NKAIN2: variants seen among roughly 807,000 people sequenced by gnomAD.
The protein encoded by NKAIN2 is sodium/potassium transporting ATPase interacting 2.
In NKAIN2, 14 loss-of-function variants were observed where a neutral mutation model predicts 32.6. The observed-to-expected ratio is 0.43, with a 90% CI of 0.28 to 0.67. The LOEUF is 0.67. Among genes scored for constraint, NKAIN2 ranks in the 30% least tolerant of loss-of-function variants. The pLI, the probability that NKAIN2 is intolerant of heterozygous loss-of-function variation, is 0.17. For missense variants in NKAIN2, 198 were observed against 258.3 expected (o/e 0.77, Z 1.60); for synonymous variants, 80 against 87.2 (o/e 0.92, Z 0.46).
At chr6:124,622,674 A>G (rs1783152008) in intron 3 of NKAIN2, among the ~76,000 whole-genome samples, 1 of 152,182 alleles carries the variant, frequency 6.6e-6, no homozygotes, top group Admixed American at 6.5e-5. Flanking sequence ...GGTGGCTCTC[A>G]GCAGGGTGGA....
intron 4 of NKAIN2, among the ~76,000 whole-genome samples, chr6:124,706,389 C>T (rs1052125385): frequency 6.6e-6 from 1 of 151,994 alleles, no homozygotes; most frequent in Non-Finnish European, 1.5e-5. Flanking sequence ...GATTAAAGGG[C>T]TCTTCATTGC....
intron 4 of NKAIN2, among the ~76,000 whole-genome samples, chr6:124,677,278 G>A (rs770034660): frequency 1.3e-5 from 2 of 152,018 alleles, no homozygotes; most frequent in African/African-American, 4.8e-5. Context: ...CAGATCTTGT[G>A]TTTTTATTCA....
chr6:123,912,087 T>G, intron 1 of NKAIN2, among the ~76,000 whole-genome samples: 1 of 151,688 alleles, frequency 6.6e-6, no homozygotes, highest in South Asian at 2.1e-4. Context: ...GGTAGATACT[T>G]GTCTTGCTTA....
intron 1 of NKAIN2, among the ~76,000 whole-genome samples, chr6:124,245,885 A>G (rs1224527199): frequency 1.3e-5 from 2 of 152,144 alleles, no homozygotes; most frequent in Admixed American, 6.6e-5. Context: ...CATGATACGC[A>G]TAAGTTGCTT....
At chr6:124,588,228 T>A (rs1479443363) in intron 3 of NKAIN2, among the ~76,000 whole-genome samples, 1 of 152,216 alleles carries the variant, frequency 6.6e-6, no homozygotes, top group Admixed American at 6.5e-5. Context: ...TTACTTCTGA[T>A]TGATATGACG....
intron 1 of NKAIN2, among the ~76,000 whole-genome samples, chr6:123,926,133 A>G (rs1775993364): frequency 6.6e-6 from 1 of 152,174 alleles, no homozygotes; most frequent in African/African-American, 2.4e-5. Context: ...CAACAGCCTA[A>G]TATCATTACA....
chr6:124,690,926 G>A (rs1774226671), intron 4 of NKAIN2, among the ~76,000 whole-genome samples: 1 of 152,052 alleles, frequency 6.6e-6, no homozygotes. Context: ...AAATATTTAG[G>A]ATCTGTTATC....
At chr6:124,596,663 G>GTGT (rs1782099434) in intron 3 of NKAIN2, among the ~76,000 whole-genome samples, 3 of 142,516 alleles carry the variant, frequency 2.1e-5, no homozygotes, top group African/African-American at 7.8e-5. Flanking sequence ...TAAACCATAG[G>GTGT]GTGTGTGTGT....
intron 3 of NKAIN2, among the ~76,000 whole-genome samples, chr6:124,541,472 T>A (rs2114845361): frequency 6.6e-6 from 1 of 152,294 alleles, no homozygotes. Context: ...TCAGTTAATA[T>A]AACCTATAAT....
chr6:124,157,652 G>T (rs1022151212), intron 1 of NKAIN2, among the ~76,000 whole-genome samples: 1 of 152,034 alleles, frequency 6.6e-6, no homozygotes, highest in Admixed American at 6.6e-5. Flanking sequence ...GATCATGTAC[G>T]TATGCTTTTT....
intron 1 of NKAIN2, among the ~76,000 whole-genome samples, chr6:123,982,934 C>T (rs1778963578): frequency 6.6e-6 from 1 of 152,094 alleles, no homozygotes; most frequent in Admixed American, 6.6e-5. Context: ...CCCCTTCTCT[C>T]TCCATTCCCT....
chr6:124,115,973 A>G (rs1321190105), intron 1 of NKAIN2, among the ~76,000 whole-genome samples: 2 of 151,986 alleles, frequency 1.3e-5, no homozygotes, highest in African/African-American at 2.4e-5. Context: ...TTGAAAACAC[A>G]TACTTTTTAC....
At chr6:124,205,743 A>C (rs547478360) in intron 1 of NKAIN2, among the ~76,000 whole-genome samples, 2 of 151,928 alleles carry the variant, frequency 1.3e-5, no homozygotes, top group African/African-American at 4.8e-5. Context: ...TAAAGAAGGA[A>C]AGTCATTAGG....
At chr6:123,925,097 C>T (rs1395090271) in intron 1 of NKAIN2, among the ~76,000 whole-genome samples, 1 of 151,898 alleles carries the variant, frequency 6.6e-6, no homozygotes, top group Non-Finnish European at 1.5e-5. Flanking sequence ...AATTACTTGT[C>T]CAAGTGGCCA....
At chr6:124,127,962 G>A (rs1786266748) in intron 1 of NKAIN2, among the ~76,000 whole-genome samples, 1 of 152,152 alleles carries the variant, frequency 6.6e-6, no homozygotes, top group Non-Finnish European at 1.5e-5. Flanking sequence ...AAGTAGCTGG[G>A]ATTATAGGCA....
chr6:124,496,042 T>C (rs1778051479), intron 3 of NKAIN2, among the ~76,000 whole-genome samples: 1 of 152,132 alleles, frequency 6.6e-6, no homozygotes, highest in Non-Finnish European at 1.5e-5. Flanking sequence ...TGAAAAAAAC[T>C]GTTCTTTTTG....
rs1783283268 is a variant in NKAIN2, at chr6:124,625,467, A to AG, written c.274-32718dup. Among the ~76,000 whole-genome samples, 3 of 152,158 alleles carry AG rather than the reference A, an allele frequency of 2.0e-5. No homozygotes were observed. In the South Asian group the frequency reaches 6.2e-4, roughly 31 times the overall value. On this transcript the variant is annotated intron_variant, in intron 3 of 6. Coordinates refer to ENST00000368417, the MANE Select transcript of NKAIN2 (RefSeq NM_001040214.3). Reference sequence around the variant, plus strand: ...TTATGATTCAAAGGTGGGAAATCATAGTCCTTTGTTTCATTTTTATCTGGG... The same window carrying AG: ...TTATGATTCAAAGGTGGGAAATCATAGGTCCTTTGTTTCATTTTTATCTGGG...
At chr6:124,175,493 G>A (rs982336814) in intron 1 of NKAIN2, among the ~76,000 whole-genome samples, 1 of 152,146 alleles carries the variant, frequency 6.6e-6, no homozygotes, top group African/African-American at 2.4e-5. Context: ...TATGATGTGA[G>A]TTTCACATAA....
intron 3 of NKAIN2, among the ~76,000 whole-genome samples, chr6:124,427,142 G>A (rs1775017584): frequency 6.6e-6 from 1 of 152,060 alleles, no homozygotes; most frequent in African/African-American, 2.4e-5. Context: ...ACATATCTTG[G>A]ATGTTCTACT....
Sources: allele counts gnomAD v4.1 joint callset (sites outside exome capture counted in the v4.1 genomes callset), GRCh38; gene constraint gnomAD v4.1.1; transcripts MANE v1.5; gene names NCBI Gene and HGNC (gene_info 2026-07-23, HGNC 2026-07-21).